MED27: variants seen among roughly 807,000 people sequenced by gnomAD.
The protein encoded by MED27 is mediator complex subunit 27.
A neutral mutation model predicts 38.2 loss-of-function variants in MED27; 30 were observed. That is an observed-to-expected ratio of 0.79 (90% CI 0.59 to 1.07). MED27 has a LOEUF of 1.07. Ranked by LOEUF, MED27 falls within the 50% of genes least tolerant of loss-of-function variation. The pLI is 0.00. For synonymous variants in MED27, 122 were observed against 153.5 expected, an observed-to-expected ratio of 0.79 and a Z score of 1.52; for missense variants, 289 against 397.5, an observed-to-expected ratio of 0.73 and a Z score of 2.32.
chr9:131,961,835 T>C (rs1315940084), intron 3 of MED27, among the ~76,000 whole-genome samples: 4 of 152,254 alleles, frequency 2.6e-5, no homozygotes, highest in Admixed American at 2.6e-4. Context: ...CAATATGTGC[T>C]GTGCACCCTT....
At chr9:131,871,145 G>A (rs1838826307) in intron 6 of MED27, among the ~76,000 whole-genome samples, 1 of 152,190 alleles carries the variant, frequency 6.6e-6, no homozygotes, top group Non-Finnish European at 1.5e-5. Context: ...ATCCAGGTGT[G>A]CGTCCTGCTG....
rs1397185740 is a variant in MED27 at position 131,942,118 on chromosome 9, C to A, written c.480-2644G>T. ...GGGATTACAGGCGTGAACCACCGTG[C>A]CCAGCCTCTGCTGATTTTTTAATAG... On this transcript the variant is annotated intron_variant, in intron 3 of 7. Coordinates refer to ENST00000292035, the MANE Select transcript of MED27 (RefSeq NM_004269.4). Among the ~76,000 whole-genome samples the A allele has an allele frequency of 6.6e-5, 10 of 152,098 alleles. 1 individual carries two copies. The highest frequency in any genetic ancestry group is 6.5e-4 in the Admixed American group (10 of 15,270).
intron 3 of MED27, among the ~76,000 whole-genome samples, chr9:131,966,056 C>T (rs568109656): frequency 9.4e-5 from 14 of 149,562 alleles, no homozygotes; most frequent in South Asian, 6.6e-4. Flanking sequence ...TATGGTCTGA[C>T]GCCTAAGAAT....
chr9:131,904,290 C>A (rs1272165690), intron 4 of MED27, among the ~76,000 whole-genome samples: 2 of 152,030 alleles, frequency 1.3e-5, no homozygotes, highest in East Asian at 3.8e-4. Context: ...CCATCTGCCT[C>A]AGCCTTCCAA....
At chr9:132,064,495 G>A (rs1833768118) in intron 2 of MED27, among the ~76,000 whole-genome samples, 1 of 152,222 alleles carries the variant, frequency 6.6e-6, no homozygotes, top group Non-Finnish European at 1.5e-5. Flanking sequence ...GAACCCTAAA[G>A]CTGATTGAGT....
chr9:131,996,940 G>T (rs1487566202), intron 3 of MED27, among the ~76,000 whole-genome samples: 1 of 152,106 alleles, frequency 6.6e-6, no homozygotes, highest in African/African-American at 2.4e-5. Context: ...TACAAAATAT[G>T]TGTTAATCAA....
At chr9:132,015,864 A>C (rs1027433396) in intron 2 of MED27, among the ~76,000 whole-genome samples, 13 of 152,238 alleles carry the variant, frequency 8.5e-5, no homozygotes, top group African/African-American at 3.1e-4. Flanking sequence ...TCACATGTGA[A>C]AATGCCAAGC....
chr9:131,978,282 TTA>T (rs1831652769), intron 3 of MED27, among the ~76,000 whole-genome samples: 1 of 152,056 alleles, frequency 6.6e-6, no homozygotes, highest in African/African-American at 2.4e-5. Flanking sequence ...GAAGGAAAAA[TTA>T]TATATACATA....
At chr9:132,028,031 C>G (rs1393103250) in intron 2 of MED27, among the ~76,000 whole-genome samples, 1 of 152,306 alleles carries the variant, frequency 6.6e-6, no homozygotes, top group East Asian at 1.9e-4. Flanking sequence ...AGGGCACACA[C>G]ACAGCCGGAC....
At position 131,883,488 on chromosome 9, in the gene MED27, A is replaced by C. The variant is rs1257604641; in HGVS notation, c.723+570T>G. Among the ~76,000 whole-genome samples the C allele has an allele frequency of 3.9e-5, 6 of 152,148 alleles. No homozygotes were observed. Among genetic ancestry groups the C allele is most frequent in the African/African-American group, 9.7e-5 (4 of 41,430 alleles). On this transcript the variant is annotated intron_variant, in intron 6 of 7. Coordinates refer to ENST00000292035, the MANE Select transcript of MED27 (RefSeq NM_004269.4). This position sits in a 1 kb window ranked among gnomAD's most constrained non-coding sequence, Gnocchi z 4.2. Reference sequence around the variant, plus strand: ...ACATTTCCCATAACAGTTTTTCATAAGGAAGCCCAATATCTGAAAAAGATA... The same window carrying C: ...ACATTTCCCATAACAGTTTTTCATACGGAAGCCCAATATCTGAAAAAGATA...
rs1381415260 is a variant in MED27, at chr9:131,883,580, C to T, written c.723+478G>A. On this transcript the variant is annotated intron_variant, in intron 6 of 7. Transcript: ENST00000292035. The surrounding 1 kb of genome is among the most constrained non-coding windows in gnomAD (Gnocchi z 4.2). ...GGAGTGCCAGCCTGCTTCCCTTGGC[C>T]CATCCCTTGGGCACCAGTGGAGACC... Among the ~76,000 whole-genome samples the T allele has an allele frequency of 2.0e-5, 3 of 152,174 alleles. No homozygotes were observed. The highest frequency in any genetic ancestry group is 3.8e-4 in the East Asian group (2 of 5,198).
At chr9:131,966,582 G>C (rs1404526452) in intron 3 of MED27, among the ~76,000 whole-genome samples, 1 of 151,946 alleles carries the variant, frequency 6.6e-6, no homozygotes, top group African/African-American at 2.4e-5. Context: ...TCTTTACTTA[G>C]GATCCCTTGT....
At chr9:131,907,751 G>A (rs1330020447) in intron 4 of MED27, among the ~76,000 whole-genome samples, 8 of 151,222 alleles carry the variant, frequency 5.3e-5, no homozygotes, top group African/African-American at 1.9e-4. Flanking sequence ...CTGCCCGGCC[G>A]CCATCCCATC....
intron 4 of MED27, 142 bp downstream of exon 4, chr9:131,939,239 G>T: frequency 2.2e-6 from 1 of 463,214 alleles, no homozygotes; most frequent in Non-Finnish European, 3.7e-6. Context: ...CCTACAGAAT[G>T]CCAGTAAAGA....
intron 2 of MED27, among the ~76,000 whole-genome samples, chr9:132,037,292 A>G (rs190858725): frequency 6.0e-4 from 92 of 152,300 alleles, no homozygotes; most frequent in Admixed American, 1.8e-3. Context: ...GTTACTATAC[A>G]CTGGTATCTT....
In MED27 at chr9:131,978,959, C is replaced by T. The variant is rs191361068; in HGVS notation, c.479+35378G>A. On this transcript the variant is annotated intron_variant, in intron 3 of 7. Transcript: ENST00000292035. Reference sequence around the variant, plus strand: ...CCACTTTCCTTGCTCTTCCTTTATACTACAAAGCCCTAAAAATTATGTCAG... The same window carrying T: ...CCACTTTCCTTGCTCTTCCTTTATATTACAAAGCCCTAAAAATTATGTCAG... Among the ~76,000 whole-genome samples the T allele has an allele frequency of 5.3e-5, 8 of 152,332 alleles. No homozygotes were observed. In the East Asian group the frequency reaches 1.2e-3, roughly 22 times the overall value.
At chr9:131,865,698 GA>G (rs978630873) in intron 6 of MED27, among the ~76,000 whole-genome samples, 2 of 152,216 alleles carry the variant, frequency 1.3e-5, no homozygotes, top group African/African-American at 4.8e-5. Flanking sequence ...CCCTGGGTGA[GA>G]CCACCTCCAT....
At chr9:131,957,502 C>T (rs564334595) in intron 3 of MED27, among the ~76,000 whole-genome samples, 155 of 152,218 alleles carry the variant, frequency 1.0e-3, no homozygotes, top group Non-Finnish European at 1.8e-3. Flanking sequence ...GCGAGCCTCC[C>T]CCTTTGGCCT....
chr9:131,899,288 G>A (rs1829886670), intron 4 of MED27, among the ~76,000 whole-genome samples: 1 of 152,212 alleles, frequency 6.6e-6, no homozygotes, highest in South Asian at 2.1e-4. Context: ...GGGGCTACAG[G>A]AAGCTGAGAG....
Sources: gnomAD v4.1 joint callset for allele counts (sites outside exome capture counted in the v4.1 genomes callset) on GRCh38, gnomAD v4.1.1 for gene constraint, Gnocchi (gnomAD v3.1) non-coding constraint, MANE v1.5 for transcripts, NCBI Gene and HGNC (gene_info 2026-07-23, HGNC 2026-07-21) for gene names.